CNBD1: variants seen among roughly 807,000 people sequenced by gnomAD.
The protein encoded by CNBD1 is cyclic nucleotide binding domain containing 1.
A neutral mutation model predicts 54.4 loss-of-function variants in CNBD1; 71 were observed. The ratio of observed to expected loss-of-function variants is 1.30; its 90% CI spans 1.08 to 1.59. CNBD1 has a LOEUF of 1.59. Among genes scored for constraint, CNBD1 ranks in the 40% most tolerant of loss-of-function variants. CNBD1 has a pLI of 0.00. For missense variants in CNBD1, 659 were observed against 518.0 expected, an observed-to-expected ratio of 1.27 and a Z score of -2.64; for synonymous variants, 182 against 170.7, an observed-to-expected ratio of 1.07 and a Z score of -0.51.
intron 4 of CNBD1, among the ~76,000 whole-genome samples, chr8:87,093,915 T>C (rs1390140382): frequency 6.6e-6 from 1 of 152,210 alleles, no homozygotes; most frequent in East Asian, 1.9e-4. Flanking sequence ...CTGCTAATCA[T>C]TTGTTTAAAA....
chr8:87,065,815 A>T (rs1195507064), intron 4 of CNBD1, among the ~76,000 whole-genome samples: 1 of 152,004 alleles, frequency 6.6e-6, no homozygotes, highest in Non-Finnish European at 1.5e-5. Context: ...GCTCAAAGAC[A>T]CACACCTATA....
intron 8 of CNBD1, among the ~76,000 whole-genome samples, chr8:87,315,572 G>A (rs1359338687): frequency 6.6e-6 from 1 of 151,884 alleles, no homozygotes; most frequent in East Asian, 1.9e-4. Flanking sequence ...AACTAGCAGA[G>A]TGAGAACTCA....
chr8:87,411,583 G>A (rs1051212480), intron 2 of CNBD1, among the ~76,000 whole-genome samples: 1 of 150,070 alleles, frequency 6.7e-6, no homozygotes, highest in Non-Finnish European at 1.5e-5. Context: ...TAAATTTATT[G>A]AAGTTTTATG....
chr8:86,925,428 A>G (rs2131828759), intron 3 of CNBD1, among the ~76,000 whole-genome samples: 1 of 152,006 alleles, frequency 6.6e-6, no homozygotes, highest in African/African-American at 2.4e-5. Context: ...AAGAGTCTGT[A>G]TATTACTCTG....
intron 6 of CNBD1, among the ~76,000 whole-genome samples, chr8:87,269,378 T>C (rs949990675): frequency 6.6e-5 from 10 of 152,154 alleles, no homozygotes; most frequent in African/African-American, 2.2e-4. Context: ...TCGTTCTTTT[T>C]GCTTAAAATT....
Position 86,997,734 on chromosome 8 carries a change from C to G in CNBD1, c.431+57980C>G, listed in dbSNP as rs923202714. 3.6e-4 allele frequency among the ~76,000 whole-genome samples: 54 copies of G among 152,082 alleles called. 1 individual carries two copies. Among genetic ancestry groups the G allele is most frequent in the Non-Finnish European group, 2.6e-4 (18 of 68,010 alleles). On this transcript the variant is annotated intron_variant, in intron 4 of 10. Coordinates refer to ENST00000518476, the MANE Select transcript of CNBD1 (RefSeq NM_173538.3). ...CCTTCAGGTTCCTAAGGAGTTACCA[C>G]TGGGAGGATTAACAGTATTTTCCCT...
intron 4 of CNBD1, among the ~76,000 whole-genome samples, chr8:86,967,805 T>G (rs1313463411): frequency 1.3e-5 from 2 of 152,072 alleles, no homozygotes; most frequent in East Asian, 3.9e-4. Context: ...TGTTCAGTTT[T>G]TTTTTTTTTT....
intron 6 of CNBD1, among the ~76,000 whole-genome samples, chr8:87,278,664 A>G (rs1808531290): frequency 6.6e-6 from 1 of 151,606 alleles, no homozygotes; most frequent in African/African-American, 2.4e-5. Flanking sequence ...TGACAAGGAG[A>G]CAAACTTTGG....
chr8:87,185,402 G>C (rs749995116), intron 4 of CNBD1, among the ~76,000 whole-genome samples: 1 of 151,982 alleles, frequency 6.6e-6, no homozygotes, highest in Non-Finnish European at 1.5e-5. Context: ...ATTTTACCTT[G>C]GTGGCTGCTG....
At chr8:86,928,716 T>C (rs936419330) in intron 3 of CNBD1, among the ~76,000 whole-genome samples, 3 of 152,222 alleles carry the variant, frequency 2.0e-5, no homozygotes, top group Admixed American at 6.5e-5. Flanking sequence ...CCCTATTTTT[T>C]GTTCCCCTAG....
In CNBD1 at chr8:87,165,877, AT is replaced by A. The variant is rs987043313; in HGVS notation, c.432-40110del. Among the ~76,000 whole-genome samples, 50 of 151,934 alleles carry A rather than the reference AT, an allele frequency of 3.3e-4. 1 individual carries two copies. Among genetic ancestry groups the A allele is most frequent in the Non-Finnish European group, 6.6e-4 (45 of 67,916 alleles). ...ATATATAAAGCATTATTATAAACAA[AT>A]TTTTTGTCTACATTTTTATGTCCTA... On this transcript the variant is annotated intron_variant, in intron 4 of 10. Transcript: ENST00000518476.
intron 4 of CNBD1, among the ~76,000 whole-genome samples, chr8:87,020,259 A>C (rs1484087435): frequency 1.3e-5 from 2 of 151,890 alleles, no homozygotes; most frequent in Non-Finnish European, 2.9e-5. Context: ...ACTCCATCTC[A>C]CCCCTTAAAC....
chr8:87,383,073 C>A (rs1811114500), downstream of CNBD1, among the ~76,000 whole-genome samples: 1 of 151,872 alleles, frequency 6.6e-6, no homozygotes, highest in African/African-American at 2.4e-5. Flanking sequence ...ATGTAAAAGG[C>A]AAAAAGACAT....
chr8:87,072,208 G>A (rs1422984362), intron 4 of CNBD1, among the ~76,000 whole-genome samples: 7 of 151,912 alleles, frequency 4.6e-5, no homozygotes, highest in Non-Finnish European at 7.4e-5. Flanking sequence ...GTGTCTTTGC[G>A]TGTAAGATGT....
rs549003278 is a variant in CNBD1 at position 87,170,757 on chromosome 8, T to C, written c.432-35236T>C. ...AATTTTATCAAATGCTTTTTCAGCA[T>C]CGATTGAAATGATCACATGTTTTTT... On this transcript the variant is annotated intron_variant, in intron 4 of 10. Transcript: ENST00000518476. 7.2e-4 allele frequency among the ~76,000 whole-genome samples: 109 copies of C among 152,310 alleles called. 1 individual carries two copies. The highest frequency in any genetic ancestry group is 2.5e-3 in the African/African-American group (103 of 41,586).
chr8:87,062,651 T>A (rs1195014452), intron 4 of CNBD1, among the ~76,000 whole-genome samples: 1 of 151,432 alleles, frequency 6.6e-6, no homozygotes, highest in Non-Finnish European at 1.5e-5. Flanking sequence ...GGCAGGAGAA[T>A]CCCTTGAACT....
intron 4 of CNBD1, among the ~76,000 whole-genome samples, chr8:87,028,068 C>T (rs955183566): frequency 6.6e-6 from 1 of 152,160 alleles, no homozygotes; most frequent in African/African-American, 2.4e-5. Flanking sequence ...CACACAATTA[C>T]AAGCATGTCC....
intron 4 of CNBD1, among the ~76,000 whole-genome samples, chr8:86,971,276 C>T (rs1586171930): frequency 1.3e-5 from 2 of 152,202 alleles, no homozygotes; most frequent in Admixed American, 1.3e-4. Context: ...GAGTGGACTG[C>T]CAAACATTTT....
chr8:87,112,631 C>T (rs995163982), intron 4 of CNBD1, among the ~76,000 whole-genome samples: 4 of 152,132 alleles, frequency 2.6e-5, no homozygotes, highest in Non-Finnish European at 5.9e-5. Flanking sequence ...TTCCCCTTAT[C>T]TTTCAAACAC....
Sources: allele counts gnomAD v4.1 joint callset (sites outside exome capture counted in the v4.1 genomes callset), GRCh38; gene constraint gnomAD v4.1.1; transcripts MANE v1.5; gene names NCBI Gene and HGNC (gene_info 2026-07-23, HGNC 2026-07-21).